The following OTOGL variants were observed in gnomAD, a reference collection of about 807,000 sequenced individuals.
OTOGL encodes the protein otogelin like.
OTOGL carries 285 observed loss-of-function variants against 318.5 expected under a neutral mutation model. That is an observed-to-expected ratio of 0.89 (90% CI 0.81 to 0.99). OTOGL has a LOEUF of 0.99. Among genes scored for constraint, OTOGL ranks in the 50% least tolerant of loss-of-function variants. OTOGL has a pLI of 0.00. For synonymous variants in OTOGL, 987 were observed against 936.5 expected (o/e 1.05, Z -0.99); for missense variants, 2,899 against 2,845.6 (o/e 1.02, Z -0.43).
chr12:80,250,293 T>G (rs150354314), intron 11 of OTOGL, among the ~76,000 whole-genome samples: 106 of 152,312 alleles, frequency 7.0e-4, no homozygotes, highest in African/African-American at 2.4e-3. Flanking sequence ...AATTTTTTTC[T>G]TGATAATAAT....
intron 1 of OTOGL, among the ~76,000 whole-genome samples, chr12:80,104,592 C>T (rs529503456): frequency 6.6e-6 from 1 of 151,868 alleles, no homozygotes; most frequent in African/African-American, 2.4e-5. Flanking sequence ...AGAAGGCATA[C>T]GTTGGAGGGG....
At chr12:80,195,310 C>T (rs1322770452) in intron 1 of OTOGL, among the ~76,000 whole-genome samples, 1 of 152,162 alleles carries the variant, frequency 6.6e-6, no homozygotes, top group African/African-American at 2.4e-5. Flanking sequence ...AGAGCATGCA[C>T]ACTGACGTTC....
intron 1 of OTOGL, among the ~76,000 whole-genome samples, chr12:80,127,254 C>G (rs1390126379): frequency 6.6e-6 from 1 of 152,128 alleles, no homozygotes; most frequent in Non-Finnish European, 1.5e-5. Flanking sequence ...CAAAATCTCT[C>G]AACATTTGCT....
rs879756283 is a variant in OTOGL, at chr12:80,249,070, A to T, written c.1053-2623A>T. ...TTATTCTAGTTATACATTCTTCTAA[A>T]TTTTTTTCAAAGTTTTCAACTTGTT... On this transcript the variant is annotated intron_variant, in intron 11 of 58. Transcript: ENST00000547103. Among the ~76,000 whole-genome samples the T allele has an allele frequency of 7.1e-3, 1,024 of 145,114 alleles. 48 individuals carry two copies. Among genetic ancestry groups the T allele is most frequent in the Admixed American group, 0.064 (961 of 14,912 alleles).
intron 1 of OTOGL, among the ~76,000 whole-genome samples, chr12:80,164,829 G>A (rs972331840): frequency 1.3e-5 from 2 of 152,122 alleles, no homozygotes; most frequent in South Asian, 2.1e-4. Flanking sequence ...CCTGATGCTT[G>A]GTAATTTATA....
intron 26 of OTOGL, among the ~76,000 whole-genome samples, chr12:80,289,596 G>A (rs1278017722): frequency 6.6e-6 from 1 of 152,228 alleles, no homozygotes. Context: ...GTCCTGCCCA[G>A]TGAGGAGGAA....
rs1363040310 is a variant in OTOGL, at chr12:80,336,408, T to C, written c.4601-5T>C. On this transcript the variant is annotated splice_region_variant and splice_polypyrimidine_tract_variant and intron_variant, in intron 39 of 58. Transcript: ENST00000547103. ...GACTAAATCCACTTTCCACCATTTT[T>C]ATAGGTCGGTGTTCCATGTTGTCAG... 5 of 1,580,548 alleles carry C rather than the reference T, an allele frequency of 3.2e-6. No homozygotes were observed. In the East Asian group the frequency reaches 1.1e-4, roughly 36 times the overall value.
chr12:80,113,340 T>A (rs1869963886), intron 1 of OTOGL, among the ~76,000 whole-genome samples: 1 of 152,202 alleles, frequency 6.6e-6, no homozygotes, highest in Admixed American at 6.5e-5. Flanking sequence ...TTAATTATGA[T>A]GTTAGGGTGT....
intron 35 of OTOGL, among the ~76,000 whole-genome samples, chr12:80,326,154 G>T (rs1188330112): frequency 6.6e-6 from 1 of 152,054 alleles, no homozygotes; most frequent in Non-Finnish European, 1.5e-5. Flanking sequence ...GTTTCAGTAT[G>T]CCCCTGTGCC....
chr12:80,224,474 G>A (rs550646653), intron 7 of OTOGL, among the ~76,000 whole-genome samples: 2 of 152,138 alleles, frequency 1.3e-5, no homozygotes, highest in South Asian at 4.1e-4. Flanking sequence ...ATTTTCATGG[G>A]AATTGCATTG....
At chr12:80,120,622 A>C (rs1263831169) in intron 1 of OTOGL, among the ~76,000 whole-genome samples, 1 of 152,190 alleles carries the variant, frequency 6.6e-6, no homozygotes, top group African/African-American at 2.4e-5. Flanking sequence ...TAAGAAATTA[A>C]AGTTTTAACC....
In OTOGL at chr12:80,336,017, G is replaced by A; in HGVS notation, c.4477G>A (p.Glu1493Lys). The change falls in exon 39 of 59, where the codon GAA becomes AAA. Residue 1493 changes from glutamate (E) to lysine (K), a missense_variant. Glu to Lys is a moderately conservative substitution (Grantham distance 56, BLOSUM62 1). Coordinates refer to ENST00000547103, the MANE Select transcript of OTOGL (RefSeq NM_001378609.3). ...DCSQYICLNM[E>K]WQLYNWSLNC... ...TAGCCAATACATATGCCTTAATATG[G>A]AATGGCAGTTATACAACTGGTCCCT... 1 of 1,598,382 alleles carries A rather than the reference G, an allele frequency of 6.3e-7. No homozygotes were observed. The highest frequency in any genetic ancestry group is 1.1e-5 in the South Asian group (1 of 90,990).
chr12:80,257,498 A>G (rs2137528027), intron 17 of OTOGL, among the ~76,000 whole-genome samples: 1 of 152,212 alleles, frequency 6.6e-6, no homozygotes, highest in South Asian at 2.1e-4. Flanking sequence ...TTAGGACAAA[A>G]GTCTGAACTT....
chr12:80,263,332 C>A (rs1882697515), intron 19 of OTOGL, among the ~76,000 whole-genome samples: 3 of 152,030 alleles, frequency 2.0e-5, no homozygotes, highest in Admixed American at 2.0e-4. Context: ...ATTGTAGCAA[C>A]TTTACTTTTT....
chr12:80,294,117 T>A (rs1885225425), intron 26 of OTOGL, among the ~76,000 whole-genome samples: 1 of 152,126 alleles, frequency 6.6e-6, no homozygotes, highest in Non-Finnish European at 1.5e-5. Flanking sequence ...CCAGCTTTGT[T>A]GTCATTATTA....
At chr12:80,258,581 G>T (rs111402976) in intron 18 of OTOGL, among the ~76,000 whole-genome samples, 1 of 152,036 alleles carries the variant, frequency 6.6e-6, no homozygotes, top group African/African-American at 2.4e-5. Flanking sequence ...TTTCACCTAC[G>T]TGTGAAAAGA....
intron 1 of OTOGL, among the ~76,000 whole-genome samples, chr12:80,193,016 T>C (rs1311835398): frequency 6.6e-6 from 1 of 152,090 alleles, no homozygotes; most frequent in Non-Finnish European, 1.5e-5. Context: ...TCAGTTGAAT[T>C]TGAGAAAATT....
chr12:80,277,211 T>C (rs1883875147), intron 24 of OTOGL, among the ~76,000 whole-genome samples: 1 of 146,958 alleles, frequency 6.8e-6, no homozygotes, highest in African/African-American at 2.5e-5. Context: ...AATGTTTTTA[T>C]CTTTATTTTA....
intron 1 of OTOGL, among the ~76,000 whole-genome samples, chr12:80,190,781 C>A (rs1875630536): frequency 1.1e-5 from 1 of 89,804 alleles, no homozygotes. Flanking sequence ...AGTGAGACTC[C>A]GTCTCAAAAA....
Sources: allele counts gnomAD v4.1 joint callset (sites outside exome capture counted in the v4.1 genomes callset), GRCh38; gene constraint gnomAD v4.1.1; transcripts MANE v1.5; gene names NCBI Gene and HGNC (gene_info 2026-07-23, HGNC 2026-07-21).